Variants in CNTNAP4 observed in about 807,000 individuals in gnomAD.
CNTNAP4 encodes contactin-associated protein-like 4.
CNTNAP4 carries 98 observed loss-of-function variants against 148.4 expected under a neutral mutation model. The observed-to-expected ratio is 0.66, with a 90% CI of 0.56 to 0.78. The LOEUF is 0.78. Among genes scored for constraint, CNTNAP4 ranks in the 30% least tolerant of loss-of-function variants. The pLI is 0.00. For missense variants in CNTNAP4, 1,935 were observed against 1,565.6 expected, an observed-to-expected ratio of 1.24 and a Z score of -3.98; for synonymous variants, 730 against 565.1, an observed-to-expected ratio of 1.29 and a Z score of -4.14.
At chr16:76,481,270 A>G (rs2081817206) in intron 12 of CNTNAP4, among the ~76,000 whole-genome samples, 1 of 152,232 alleles carries the variant, frequency 6.6e-6, no homozygotes, top group Non-Finnish European at 1.5e-5. Context: ...GTGCTGTCCA[A>G]CATGGTAGCC....
chr16:76,284,122 A>G (rs1958792044), intron 1 of CNTNAP4, among the ~76,000 whole-genome samples: 2 of 152,010 alleles, frequency 1.3e-5, no homozygotes, highest in African/African-American at 4.8e-5. Context: ...ATCTATAATC[A>G]TTGAAATTAT....
chr16:76,376,408 T>A (rs554724004), intron 3 of CNTNAP4, among the ~76,000 whole-genome samples: 1 of 152,204 alleles, frequency 6.6e-6, no homozygotes, highest in South Asian at 2.1e-4. Context: ...AGTGAGAGGA[T>A]TCAAATCACA....
At chr16:76,464,672 C>T (rs943411968) in intron 9 of CNTNAP4, among the ~76,000 whole-genome samples, 2 of 152,258 alleles carry the variant, frequency 1.3e-5, no homozygotes, top group Admixed American at 6.5e-5. Flanking sequence ...TCCAACAGCC[C>T]GGGTTATACC....
rs1332098330 is a variant in CNTNAP4, at chr16:76,560,218, C to A, written c.*1535C>A. Reference sequence around the variant, plus strand: ...TATTGGATTTCTTAGTTTGTCTACACCAGAAGAATCGGGAAATATGTAAAT... The same window carrying A: ...TATTGGATTTCTTAGTTTGTCTACAACAGAAGAATCGGGAAATATGTAAAT... On this transcript the variant is annotated 3_prime_UTR_variant, in exon 24 of 24. Coordinates refer to ENST00000611870, the MANE Select transcript of CNTNAP4 (RefSeq NM_033401.5). Among the ~76,000 whole-genome samples, 1 of 152,154 alleles carries A rather than the reference C, an allele frequency of 6.6e-6. No individual in the cohort carries two copies. Among genetic ancestry groups the A allele is most frequent in the East Asian group, 1.9e-4 (1 of 5,192 alleles).
At chr16:76,352,814 C>T (rs1022681286) in intron 2 of CNTNAP4, among the ~76,000 whole-genome samples, 2 of 152,056 alleles carry the variant, frequency 1.3e-5, no homozygotes, top group Non-Finnish European at 2.9e-5. Context: ...AAGAACTCCC[C>T]GAGCTATTTG....
At chr16:76,511,744 A>T (rs1028693184) in intron 15 of CNTNAP4, among the ~76,000 whole-genome samples, 1 of 149,090 alleles carries the variant, frequency 6.7e-6, no homozygotes, top group African/African-American at 2.5e-5. Flanking sequence ...CTGTTTTTCC[A>T]CTTTTCTTCC....
At chr16:76,387,367 T>C (rs952639512) in intron 3 of CNTNAP4, among the ~76,000 whole-genome samples, 1 of 152,244 alleles carries the variant, frequency 6.6e-6, no homozygotes, top group Non-Finnish European at 1.5e-5. Flanking sequence ...AATCTCATTA[T>C]ATAATTTGGC....
chr16:76,420,349 C>T (rs2079145835), intron 3 of CNTNAP4, among the ~76,000 whole-genome samples: 1 of 102,070 alleles, frequency 9.8e-6, no homozygotes. Context: ...TAGGACACTA[C>T]ATAAGAAAAA....
At chr16:76,473,672 G>C (rs1414117905) in intron 10 of CNTNAP4, among the ~76,000 whole-genome samples, 1 of 152,100 alleles carries the variant, frequency 6.6e-6, no homozygotes, top group East Asian at 1.9e-4. Flanking sequence ...TACTCGGGAG[G>C]CTGAGGCAGG....
intron 4 of CNTNAP4, among the ~76,000 whole-genome samples, chr16:76,445,550 A>G (rs2143104441): frequency 6.6e-6 from 1 of 152,308 alleles, no homozygotes; most frequent in African/African-American, 2.4e-5. Context: ...GTTTAAGAGT[A>G]TGCAATTGCT....
At chr16:76,528,702 G>C (rs2083846310) in intron 17 of CNTNAP4, among the ~76,000 whole-genome samples, 1 of 152,178 alleles carries the variant, frequency 6.6e-6, no homozygotes. Flanking sequence ...ACATCTCAGA[G>C]TGAAACTGTG....
chr16:76,445,975 A>G (rs1438410829), intron 4 of CNTNAP4, among the ~76,000 whole-genome samples: 1 of 152,198 alleles, frequency 6.6e-6, no homozygotes, highest in Admixed American at 6.5e-5. Flanking sequence ...GCATTCATTC[A>G]GCTATGTAAC....
intron 2 of CNTNAP4, among the ~76,000 whole-genome samples, chr16:76,339,122 C>A (rs145525727): frequency 3.7e-4 from 57 of 152,026 alleles, no homozygotes; most frequent in African/African-American, 1.3e-3. Context: ...TCAGAATATG[C>A]GATTAGGGAG....
At chr16:76,420,516 G>A (rs751776286) in intron 3 of CNTNAP4, among the ~76,000 whole-genome samples, 21 of 151,934 alleles carry the variant, frequency 1.4e-4, no homozygotes, top group African/African-American at 4.6e-4. Flanking sequence ...ATCTCCGTGC[G>A]GGGCTGTCCC....
At chr16:76,414,730 T>A (rs1184756692) in intron 3 of CNTNAP4, among the ~76,000 whole-genome samples, 1 of 151,418 alleles carries the variant, frequency 6.6e-6, no homozygotes, top group East Asian at 1.9e-4. Flanking sequence ...TTTCCTGTTC[T>A]CATCTGTTTT....
At chr16:76,318,775 AATCATAATAATTAATAATTATGAGAAATT>A (rs1962093369) in intron 2 of CNTNAP4, among the ~76,000 whole-genome samples, 1 of 148,722 alleles carries the variant, frequency 6.7e-6, no homozygotes, top group Non-Finnish European at 1.5e-5. Flanking sequence ...TAATAATCAT[AATCATAATAATTAATAATTATGAGAAATT>A]ATTCTCATAA....
chr16:76,532,354 A>T (rs2084021860), intron 17 of CNTNAP4, among the ~76,000 whole-genome samples: 1 of 152,166 alleles, frequency 6.6e-6, no homozygotes, highest in Admixed American at 6.5e-5. Context: ...CCTCAGATGG[A>T]CCTGTGGACC....
At chr16:76,505,254 CTGTGGT>C (rs2082802883) in intron 15 of CNTNAP4, among the ~76,000 whole-genome samples, 1 of 41,226 alleles carries the variant, frequency 2.4e-5, no homozygotes, top group African/African-American at 3.6e-5. Flanking sequence ...TTCCATTTTA[CTGTGGT>C]GTACCCACAA....
At chr16:76,514,910 T>C (rs1166096783) in intron 15 of CNTNAP4, among the ~76,000 whole-genome samples, 1 of 152,188 alleles carries the variant, frequency 6.6e-6, no homozygotes, top group African/African-American at 2.4e-5. Flanking sequence ...GATGCACTGA[T>C]TACTAAAATA....
Sources: allele counts gnomAD v4.1 joint callset (sites outside exome capture counted in the v4.1 genomes callset), GRCh38; gene constraint gnomAD v4.1.1; transcripts MANE v1.5; gene names NCBI Gene and HGNC (gene_info 2026-07-23, HGNC 2026-07-21).